The following SDCCAG8 variants were observed in gnomAD, a reference collection of about 807,000 sequenced individuals.
SDCCAG8 encodes SHH signaling and ciliogenesis regulator SDCCAG8.
In SDCCAG8, 74 loss-of-function variants were observed where a neutral mutation model predicts 101.8. The ratio of observed to expected loss-of-function variants is 0.73; its 90% CI spans 0.60 to 0.88. SDCCAG8 has a LOEUF of 0.88. SDCCAG8 is among the 40% of genes least tolerant of loss of function. The probability of loss-of-function intolerance (pLI) is 0.00; values close to 1 mark genes in which losing one functional copy is unlikely to be tolerated. For synonymous variants in SDCCAG8, 281 were observed against 292.9 expected (o/e 0.96, Z 0.41); for missense variants, 787 against 822.6 (o/e 0.96, Z 0.53).
At chr1:243,373,733 C>T (rs2077435525) in intron 12 of SDCCAG8, among the ~76,000 whole-genome samples, 1 of 152,106 alleles carries the variant, frequency 6.6e-6, no homozygotes, top group East Asian at 1.9e-4. Context: ...TGGCTAAGCC[C>T]AAAGTCCCTG....
chr1:243,446,949 T>C (rs1413106468), intron 16 of SDCCAG8, among the ~76,000 whole-genome samples: 1 of 152,114 alleles, frequency 6.6e-6, no homozygotes, highest in East Asian at 1.9e-4. Context: ...TAGGAAACTC[T>C]TGGATTAAGA....
intron 12 of SDCCAG8, among the ~76,000 whole-genome samples, chr1:243,362,671 C>A (rs142488103): frequency 1.6e-4 from 24 of 152,312 alleles, no homozygotes; most frequent in Non-Finnish European, 2.6e-4. Context: ...CCACCTTCAT[C>A]TCTCTCCCAT....
chr1:243,271,462 AG>A (rs1356404370), intron 3 of SDCCAG8, among the ~76,000 whole-genome samples: 2 of 151,516 alleles, frequency 1.3e-5, no homozygotes, highest in African/African-American at 4.8e-5. Flanking sequence ...CATTTTTAGA[AG>A]TTACTTAATT....
chr1:243,495,732 G>A (rs909817031), intron 17 of SDCCAG8, among the ~76,000 whole-genome samples: 7 of 152,184 alleles, frequency 4.6e-5, no homozygotes, highest in Non-Finnish European at 8.8e-5. Context: ...GCGTTTCCCC[G>A]ACGTTCTGCC....
chr1:243,429,695 ATTTTT>A (rs796450909), intron 16 of SDCCAG8, among the ~76,000 whole-genome samples: 1 of 92,938 alleles, frequency 1.1e-5, no homozygotes, highest in Non-Finnish European at 2.0e-5. Flanking sequence ...TGCTCTGCTA[ATTTTT>A]TTTTTTTTTT....
At chr1:243,439,240 A>G (rs1305781389) in intron 16 of SDCCAG8, among the ~76,000 whole-genome samples, 3 of 151,958 alleles carry the variant, frequency 2.0e-5, no homozygotes, top group East Asian at 3.9e-4. Context: ...TGCAGCCTCA[A>G]CCTCCTGGAT....
At chr1:243,331,475 C>T (rs564632068) in intron 10 of SDCCAG8, among the ~76,000 whole-genome samples, 35 of 152,286 alleles carry the variant, frequency 2.3e-4, no homozygotes, top group African/African-American at 8.2e-4. Flanking sequence ...TGAGTATGTG[C>T]TGTGTGCAAA....
At chr1:243,448,705 G>A (rs1398641259) in intron 16 of SDCCAG8, among the ~76,000 whole-genome samples, 1 of 151,112 alleles carries the variant, frequency 6.6e-6, no homozygotes. Flanking sequence ...AAATGTACAG[G>A]ACATTATAAT....
intron 16 of SDCCAG8, among the ~76,000 whole-genome samples, chr1:243,427,017 T>C (rs944191336): frequency 3.9e-5 from 6 of 152,232 alleles, no homozygotes; most frequent in Non-Finnish European, 7.3e-5. Flanking sequence ...CCTTCACTTC[T>C]TTCTGGTGGT....
intron 13 of SDCCAG8, among the ~76,000 whole-genome samples, chr1:243,410,895 A>G (rs1222420460): frequency 6.6e-6 from 1 of 152,182 alleles, no homozygotes; most frequent in Non-Finnish European, 1.5e-5. Flanking sequence ...AACCAGAACT[A>G]TAATTGGTAA....
At chr1:243,492,150 A>G (rs3006926) in intron 17 of SDCCAG8, among the ~76,000 whole-genome samples, 35,070 of 151,084 alleles carry the variant, frequency 0.23, 4,191 homozygotes, top group East Asian at 0.4. Context: ...TCACAACAAC[A>G]TGGCTGGCAG....
chr1:243,291,466 C>A lies in SDCCAG8; in HGVS notation c.547-1625C>A, dbSNP rs529826259. Among the ~76,000 whole-genome samples the A allele has an allele frequency of 1.1e-4, 16 of 152,284 alleles. No homozygotes were observed. In the East Asian group the frequency reaches 2.7e-3, roughly 26 times the overall value. ...GACTGGAATTGAGTAGTGGCTGCTT[C>A]CTTTGGATGGTACACATTTCTGTGG... On this transcript the variant is annotated intron_variant, in intron 5 of 17. Coordinates refer to ENST00000366541, the MANE Select transcript of SDCCAG8 (RefSeq NM_006642.5).
At chr1:243,428,764 A>T (rs1160908105) in intron 16 of SDCCAG8, among the ~76,000 whole-genome samples, 1 of 152,252 alleles carries the variant, frequency 6.6e-6, no homozygotes, top group Non-Finnish European at 1.5e-5. Flanking sequence ...TCAAATGTGA[A>T]GGTGCAGTAT....
intron 16 of SDCCAG8, among the ~76,000 whole-genome samples, chr1:243,470,089 C>T (rs1660929449): frequency 6.6e-6 from 1 of 151,872 alleles, no homozygotes; most frequent in Non-Finnish European, 1.5e-5. Context: ...GTCTGGTTAA[C>T]AACACAAGGT....
intron 16 of SDCCAG8, among the ~76,000 whole-genome samples, chr1:243,447,000 C>T (rs1286780097): frequency 6.6e-6 from 1 of 152,050 alleles, no homozygotes; most frequent in Non-Finnish European, 1.5e-5. Flanking sequence ...GCCTGTAATC[C>T]CAGCACTTTG....
intron 12 of SDCCAG8, among the ~76,000 whole-genome samples, chr1:243,346,491 G>T (rs1302033063): frequency 1.3e-5 from 2 of 152,154 alleles, no homozygotes; most frequent in Non-Finnish European, 2.9e-5. Context: ...TTTTTAAAGT[G>T]GGTGGGAAAC....
intron 17 of SDCCAG8, among the ~76,000 whole-genome samples, chr1:243,495,115 A>G (rs1438598519): frequency 1.3e-5 from 2 of 152,244 alleles, no homozygotes; most frequent in Admixed American, 6.5e-5. Flanking sequence ...CTGGAAGATG[A>G]CAAACTCAGA....
chr1:243,445,874 G>A (rs1035139536), intron 16 of SDCCAG8, among the ~76,000 whole-genome samples: 1 of 152,298 alleles, frequency 6.6e-6, no homozygotes. Flanking sequence ...ACTCCACTGC[G>A]TTTTCATAGA....
chr1:243,435,623 T>C (rs1428206648), intron 16 of SDCCAG8, among the ~76,000 whole-genome samples: 1 of 152,216 alleles, frequency 6.6e-6, no homozygotes, highest in East Asian at 1.9e-4. Flanking sequence ...GTTTACATAA[T>C]GTTATTTCTA....
Sources: allele counts gnomAD v4.1 joint callset (sites outside exome capture counted in the v4.1 genomes callset), GRCh38; gene constraint gnomAD v4.1.1; transcripts MANE v1.5; gene names NCBI Gene and HGNC (gene_info 2026-07-23, HGNC 2026-07-21).